Variants in IPMK observed in about 807,000 individuals in gnomAD.
IPMK encodes inositol polyphosphate multikinase.
A neutral mutation model predicts 45.8 loss-of-function variants in IPMK; 17 were observed. That is an observed-to-expected ratio of 0.37 (90% confidence interval 0.25 to 0.56). The LOEUF (loss-of-function observed/expected upper bound fraction) is 0.56. IPMK is among the 20% of genes least tolerant of loss of function. The pLI is 0.79. For missense variants in IPMK, 399 were observed against 498.0 expected, an observed-to-expected ratio of 0.80 and a Z score of 1.89; for synonymous variants, 180 against 184.3, an observed-to-expected ratio of 0.98 and a Z score of 0.19.
At chr10:58,209,666 G>C (rs779915923) in intron 4 of IPMK, among the ~76,000 whole-genome samples, 2 of 152,218 alleles carry the variant, frequency 1.3e-5, no homozygotes, top group Non-Finnish European at 2.9e-5. Context: ...GAGTGAGGTA[G>C]ACTCTGTGAG....
At chr10:58,253,255 G>A (rs901852331) in intron 1 of IPMK, among the ~76,000 whole-genome samples, 1 of 152,218 alleles carries the variant, frequency 6.6e-6, no homozygotes, top group Non-Finnish European at 1.5e-5. Context: ...CCTGAGCCAT[G>A]TGGAACTGTG....
At chr10:58,257,389 G>T (rs2132264934) in intron 1 of IPMK, among the ~76,000 whole-genome samples, 1 of 152,280 alleles carries the variant, frequency 6.6e-6, no homozygotes, top group South Asian at 2.1e-4. Context: ...CAGCCACTCG[G>T]GAGGCTGAGG....
rs558719107 is a variant in IPMK, at chr10:58,235,478, A to G, written c.276+2251T>C. Among the ~76,000 whole-genome samples the G allele has an allele frequency of 1.5e-3, 234 of 152,308 alleles. 2 individuals carry two copies. Among genetic ancestry groups the G allele is most frequent in the Non-Finnish European group, 2.2e-3 (148 of 68,018 alleles). On this transcript the variant is annotated intron_variant, in intron 2 of 5. Transcript: ENST00000373935. ...TGGCCCATATACACCATGGAATACT[A>G]TGCAGCCATAAAAAAGAATGAGTTC...
chr10:58,227,065 C>T lies in IPMK; in HGVS notation c.351G>A (p.Trp117Ter), dbSNP rs763897859. ...TACCGTTTGGTGCAGTGGGAGGTGA[C>T]CAGATGCCATAATATTTTGGCAAAT... ...RKYLPKYYGI[W>*]SPPTAPNDLY... Residue 117 changes from tryptophan to a stop codon, truncating the protein, a stop_gained, in exon 3 of 6, where the codon TGG becomes TGA. Transcript: ENST00000373935. LOFTEE classifies it high-confidence loss of function. 1.2e-6 allele frequency: 2 copies of T among 1,611,470 alleles called. No homozygotes were observed.
At chr10:58,249,985 C>T (rs1838858884) in intron 1 of IPMK, among the ~76,000 whole-genome samples, 1 of 152,312 alleles carries the variant, frequency 6.6e-6, no homozygotes, top group African/African-American at 2.4e-5. Flanking sequence ...TGCCAAAAAT[C>T]AGTTGGCTGG....
intron 1 of IPMK, among the ~76,000 whole-genome samples, chr10:58,244,046 C>T (rs914168511): frequency 2.7e-5 from 4 of 150,894 alleles, no homozygotes; most frequent in Admixed American, 1.3e-4. Flanking sequence ...TGAGGGGCAC[C>T]TCTGCCCGGC....
chr10:58,192,565 T>A lies in IPMK; in HGVS notation c.*3511A>T, dbSNP rs1837832767. On this transcript the variant is annotated 3_prime_UTR_variant, in exon 6 of 6. Coordinates refer to ENST00000373935, the MANE Select transcript of IPMK (RefSeq NM_152230.5). The stretch of plus-strand genomic sequence containing the variant: ...TTATTTAGATGCCTATTTTTCTATA[T>A]CTCTATTTTAATTAAGTCCCCAATC... 1 of 151,990 alleles carries A rather than the reference T, an allele frequency of 6.6e-6. No homozygotes were observed. Among genetic ancestry groups the A allele is most frequent in the Non-Finnish European group, 1.5e-5 (1 of 67,906 alleles). The allele number at this position is 151,990 out of a possible 1,614,324, so 9.4% of individuals were successfully genotyped here.
chr10:58,219,773 ATTG>A (rs930859122), intron 3 of IPMK, among the ~76,000 whole-genome samples: 30 of 152,308 alleles, frequency 2.0e-4, no homozygotes, highest in African/African-American at 6.7e-4. Flanking sequence ...AAGACTAAGT[ATTG>A]TTGTCTGGGT....
At chr10:58,218,274 G>A (rs1311330008) in intron 3 of IPMK, among the ~76,000 whole-genome samples, 1 of 152,176 alleles carries the variant, frequency 6.6e-6, no homozygotes, top group Non-Finnish European at 1.5e-5. Context: ...TGAAACTGCT[G>A]TCTGTGAAAA....
At chr10:58,218,297 G>A (rs1838279573) in intron 3 of IPMK, among the ~76,000 whole-genome samples, 1 of 152,192 alleles carries the variant, frequency 6.6e-6, no homozygotes, top group South Asian at 2.1e-4. Flanking sequence ...AATGGGACAA[G>A]TGGAAATATC....
intron 1 of IPMK, among the ~76,000 whole-genome samples, chr10:58,252,611 C>CTTTTTTTT (rs113777957): frequency 4.5e-5 from 5 of 111,256 alleles, no homozygotes; most frequent in Non-Finnish European, 9.1e-5. Context: ...GTTTTCTTTT[C>CTTTTTTTT]TTTTTTTTTT....
At chr10:58,247,549 A>T (rs375829013) in intron 1 of IPMK, among the ~76,000 whole-genome samples, 158 of 152,132 alleles carry the variant, frequency 1.0e-3, no homozygotes, top group African/African-American at 3.7e-3. Context: ...GTAAACTATC[A>T]CAAGAACAAA....
chr10:58,214,735 T>C (rs1838218838), intron 4 of IPMK, among the ~76,000 whole-genome samples: 1 of 152,184 alleles, frequency 6.6e-6, no homozygotes, highest in Non-Finnish European at 1.5e-5. Flanking sequence ...AACTACCCAT[T>C]ATGCTTACAT....
intron 4 of IPMK, among the ~76,000 whole-genome samples, chr10:58,214,086 T>C (rs919006972): frequency 6.6e-6 from 1 of 152,112 alleles, no homozygotes; most frequent in African/African-American, 2.4e-5. Flanking sequence ...AACTTGACAG[T>C]GATTTGAAGA....
chr10:58,240,218 A>C (rs939104867), intron 1 of IPMK, among the ~76,000 whole-genome samples: 7 of 152,230 alleles, frequency 4.6e-5, no homozygotes, highest in East Asian at 3.9e-4. Flanking sequence ...ACAAAAAAAA[A>C]CTCTAAAACT....
intron 4 of IPMK, among the ~76,000 whole-genome samples, chr10:58,208,130 T>C (rs944893663): frequency 2.0e-4 from 30 of 152,032 alleles, no homozygotes; most frequent in Admixed American, 1.6e-3. Context: ...TTAGTAGACA[T>C]GGGGTTTCAC....
chr10:58,238,837 G>GTTTTTTTT (rs143503851), intron 1 of IPMK, among the ~76,000 whole-genome samples: 1 of 148,904 alleles, frequency 6.7e-6, no homozygotes. Flanking sequence ...CAGAAATCAA[G>GTTTTTTTT]TTTGTTTTTT....
rs1294967795 is a variant in IPMK at position 58,191,732 on chromosome 10, A to G, written c.*4344T>C. 5.3e-5 allele frequency: 8 copies of G among 152,088 alleles called. No homozygotes were observed. The highest frequency in any genetic ancestry group is 2.9e-5 in the Non-Finnish European group (2 of 67,946). The allele number at this position is 152,088 out of a possible 1,614,324, so 9.4% of individuals were successfully genotyped here. ...AAACCCTAAAGACATTTATACATTT[A>G]AACCAAAGTAACTGTGACTAAATAC... On this transcript the variant is annotated 3_prime_UTR_variant, in exon 6 of 6. Coordinates refer to ENST00000373935, the MANE Select transcript of IPMK (RefSeq NM_152230.5).
At chr10:58,241,517 C>T (rs1485401651) in intron 1 of IPMK, among the ~76,000 whole-genome samples, 4 of 152,140 alleles carry the variant, frequency 2.6e-5, no homozygotes, top group Non-Finnish European at 5.9e-5. Flanking sequence ...ATCTGTGGTG[C>T]ACTGACAGTA....
Sources: allele counts gnomAD v4.1 joint callset (sites outside exome capture counted in the v4.1 genomes callset), GRCh38; gene constraint gnomAD v4.1.1; transcripts MANE v1.5; gene names NCBI Gene and HGNC (gene_info 2026-07-23, HGNC 2026-07-21).